The following FH variants were observed in gnomAD, a reference collection of about 807,000 sequenced individuals.
The protein encoded by FH is fumarate hydratase, mitochondrial.
A neutral mutation model predicts 49.4 loss-of-function variants in FH; 22 were observed. That is an observed-to-expected ratio of 0.45 (90% CI 0.32 to 0.64). The LOEUF is 0.64. Ranked by LOEUF, FH falls within the 30% of genes least tolerant of loss-of-function variation. The pLI is 0.05. For synonymous variants in FH, 208 were observed against 223.0 expected (o/e 0.93, Z 0.60); for missense variants, 526 against 641.5 (o/e 0.82, Z 1.95).
At chr1:241,498,694 CATATATATATAT>C (rs56361117) in intron 9 of FH, among the ~76,000 whole-genome samples, 3,534 of 53,054 alleles carry the variant, frequency 0.067, 241 homozygotes, top group Non-Finnish European at 0.077. Flanking sequence ...GCTGTCTTAA[CATATATATATAT>C]ATATATATAT....
In FH at chr1:241,499,429, T is replaced by C. The variant is rs1053574338; in HGVS notation, c.1390+1008A>G. 2.6e-5 allele frequency among the ~76,000 whole-genome samples: 4 copies of C among 152,208 alleles called. 1 individual carries two copies. Among genetic ancestry groups the C allele is most frequent in the Admixed American group, 2.6e-4 (4 of 15,276 alleles). On this transcript the variant is annotated intron_variant, in intron 9 of 9. Coordinates refer to ENST00000366560, the MANE Select transcript of FH (RefSeq NM_000143.4). ...AGCCTCTGGGTTCCCCTTTGTGTTT[T>C]TCCAGATGTAGTTGATGTACCATAA... is the stretch of plus-strand genomic sequence containing the variant.
At chr1:241,502,293 A>G (rs1659800563) in intron 8 of FH, 150 bp downstream of exon 8, 1 of 835,464 alleles carries the variant, frequency 1.2e-6, no homozygotes, top group Admixed American at 2.3e-5. Flanking sequence ...ATCTAGGATT[A>G]TTCTGGTAAC....
In FH at chr1:241,519,665, C is replaced by A. The variant is rs572324497; in HGVS notation, c.58G>T (p.Ala20Ser). 6.5e-7 allele frequency: 1 copy of A among 1,547,724 alleles called. No homozygotes were observed. Among genetic ancestry groups the A allele is most frequent in the Middle Eastern group, 2.3e-4 (1 of 4,380 alleles). Residue 20 changes from alanine to serine, a missense_variant, in exon 1 of 10, where the codon GCA (alanine) becomes TCA (serine). This residue lies in a region of FH where 143 missense variants were observed against 127.5 expected (regional missense o/e 1.12). Coordinates refer to ENST00000366560, the MANE Select transcript of FH (RefSeq NM_000143.4). ...AAGCCGGGAGCCGAAGCTAAGGCTG[C>A]GGCTGGAGCCCGCACGAGGGGACGC... ...RSRPLVRAPA[A>S]ALASAPGLGG...
chr1:241,508,541 G>C (rs1659986620), intron 5 of FH, 62 bp downstream of exon 5: 1 of 1,433,698 alleles, frequency 7.0e-7, no homozygotes, highest in East Asian at 2.3e-5. Context: ...AGATTTCAAG[G>C]ATGACACATT....
chr1:241,502,377 T>C, intron 8 of FH, 66 bp downstream of exon 8: 3 of 1,595,684 alleles, frequency 1.9e-6, no homozygotes, highest in South Asian at 2.2e-5. Context: ...GAAGTCTTTA[T>C]GAAATACAAA....
At chr1:241,508,427 T>A (rs151059868) in intron 5 of FH, among the ~76,000 whole-genome samples, 176 bp downstream of exon 5, 304 of 152,342 alleles carry the variant, frequency 2.0e-3, no homozygotes, top group African/African-American at 6.5e-3. Flanking sequence ...CAGTATACTC[T>A]GCTTTTCTTC....
rs1064795320 is a variant in FH at position 241,497,971 on chromosome 1, CT to C, written c.1391-2del. ...GCAATCTTTGCTGCCTTGTCATACC[CT>C]GAAGAAAAAATAAAAAGACGACATA... is the stretch of plus-strand genomic sequence containing the variant. On this transcript the variant is annotated splice_acceptor_variant, in intron 9 of 9. Transcript: ENST00000366560. LOFTEE classifies it high-confidence loss of function. 6.2e-7 allele frequency: 1 copy of C among 1,613,678 alleles called. No individual in the cohort carries two copies. Among genetic ancestry groups the C allele is most frequent in the Non-Finnish European group, 8.5e-7 (1 of 1,179,906 alleles).
chr1:241,502,138 C>T (rs1351484802), intron 8 of FH, among the ~76,000 whole-genome samples: 1 of 152,124 alleles, frequency 6.6e-6, no homozygotes, highest in East Asian at 1.9e-4. Flanking sequence ...TGAGTATGTG[C>T]TATCCTTCCA....
At position 241,498,723 on chromosome 1, in the gene FH, A is replaced by ATATATATATATATATATATG. The variant is rs1659691009; in HGVS notation, c.1391-773_1391-754dup. 4.0e-5 allele frequency among the ~76,000 whole-genome samples: 4 copies of ATATATATATATATATATATG among 99,368 alleles called. 1 individual carries two copies. The highest frequency in any genetic ancestry group is 1.5e-4 in the African/African-American group (4 of 26,112). 65.2% of individuals were successfully genotyped at this position (99,368 alleles called of 152,430 possible). A position where few individuals can be genotyped will look rare whatever the true frequency, so the allele number is the denominator to read the frequency against. On this transcript the variant is annotated intron_variant, in intron 9 of 9. Coordinates refer to ENST00000366560, the MANE Select transcript of FH (RefSeq NM_000143.4). ...TATATATATATATATATATATATAT[A>ATATATATATATATATATATG]TATATATATATATATATATGTCAAG...
intron 6 of FH, among the ~76,000 whole-genome samples, chr1:241,505,688 C>A (rs1659910765): frequency 6.6e-6 from 1 of 152,182 alleles, no homozygotes; most frequent in African/African-American, 2.4e-5. Context: ...ACTTACTCAA[C>A]ACTCAGTTTT....
At chr1:241,498,694 C>CATATATATACATAT (rs1659686192) in intron 9 of FH, among the ~76,000 whole-genome samples, 1 of 53,166 alleles carries the variant, frequency 1.9e-5, no homozygotes, top group Admixed American at 2.1e-4. Flanking sequence ...GCTGTCTTAA[C>CATATATATACATAT]ATATATATAT....
chr1:241,517,082 C>CT, intron 2 of FH, 100 bp downstream of exon 2: 1 of 1,455,012 alleles, frequency 6.9e-7, no homozygotes, highest in Non-Finnish European at 9.6e-7. Context: ...TTTCTAATAA[C>CT]TTTACATTTT....
rs993790276 is a variant in FH, at chr1:241,497,672, T to C, written c.*156A>G. The C allele has an allele frequency of 1.6e-6, 1 of 631,188 alleles. No individual in the cohort carries two copies. The highest frequency in any genetic ancestry group is 2.8e-5 in the East Asian group (1 of 36,330). 39.1% of individuals were successfully genotyped at this position (631,188 alleles called of 1,614,324 possible). ...ATACTTGTTTAATCCATCTTAGACCTAGCACATCCTAGGGTTTTATATACT... is the reference window on the plus strand; with the variant it reads ...ATACTTGTTTAATCCATCTTAGACCCAGCACATCCTAGGGTTTTATATACT... On this transcript the variant is annotated 3_prime_UTR_variant, in exon 10 of 10. Transcript: ENST00000366560.
chr1:241,506,796 G>C (rs904527112), intron 5 of FH, among the ~76,000 whole-genome samples: 2 of 152,108 alleles, frequency 1.3e-5, no homozygotes, highest in African/African-American at 4.8e-5. Context: ...GTCAACACTG[G>C]TTCCAAATTT....
At chr1:241,498,054 G>C (rs1659670382) in intron 9 of FH, 84 bp from the exon 10 acceptor site, 1 of 1,364,344 alleles carries the variant, frequency 7.3e-7, no homozygotes, top group African/African-American at 1.4e-5. Flanking sequence ...TTGTTTACTT[G>C]ATATTGATGC....
At chr1:241,506,226 C>T (rs1200947695) in intron 5 of FH, 58 bp from the exon 6 acceptor site, 2 of 1,293,928 alleles carry the variant, frequency 1.5e-6, no homozygotes, top group Non-Finnish European at 2.2e-6. Context: ...TTACAAGTTA[C>T]TCTAACTGCA....
chr1:241,497,822 T>A lies in FH; in HGVS notation c.*6A>T. 2 of 1,586,344 alleles carry A rather than the reference T, an allele frequency of 1.3e-6. No individual in the cohort carries two copies. The highest frequency in any genetic ancestry group is 1.7e-6 in the Non-Finnish European group (2 of 1,165,538). On this transcript the variant is annotated 3_prime_UTR_variant, in exon 10 of 10. Transcript: ENST00000366560. ...CATGTTTATTTTCATTATAAATTTA[T>A]GTAAATCACTTTGGACCCAGCATGT...
chr1:241,519,529 C>G, intron 1 of FH, 62 bp downstream of exon 1: 1 of 1,514,136 alleles, frequency 6.6e-7, no homozygotes, highest in Non-Finnish European at 8.9e-7. Context: ...GGCGCCCAGG[C>G]CGGCAGGCAG....
intron 4 of FH, among the ~76,000 whole-genome samples, chr1:241,511,112 C>A (rs1660072176): frequency 6.6e-6 from 1 of 152,180 alleles, no homozygotes; most frequent in African/African-American, 2.4e-5. Flanking sequence ...AATCCTAACC[C>A]CTAGGGTAAT....
Sources: gnomAD v4.1 joint callset for allele counts (sites outside exome capture counted in the v4.1 genomes callset) on GRCh38, gnomAD v4.1.1 for gene constraint, gnomAD v4.1.1 regional missense constraint, MANE v1.5 for transcripts, NCBI Gene and HGNC (gene_info 2026-07-23, HGNC 2026-07-21) for gene names.